SKAP2: variants seen among roughly 807,000 people sequenced by gnomAD.
SKAP2 encodes src kinase-associated phosphoprotein 2.
Under a neutral mutation model 54.9 loss-of-function variants are expected in SKAP2, and 28 were observed. The ratio of observed to expected loss-of-function variants is 0.51; its 90% CI spans 0.38 to 0.70. SKAP2 has a LOEUF of 0.70. SKAP2 is among the 30% of genes least tolerant of loss of function. SKAP2 has a pLI of 0.00. For missense variants in SKAP2, 356 were observed against 424.1 expected (o/e 0.84, Z 1.41); for synonymous variants, 137 against 134.3 (o/e 1.02, Z -0.14).
At chr7:26,821,766 C>T (rs1194095630) in intron 4 of SKAP2, among the ~76,000 whole-genome samples, 1 of 152,144 alleles carries the variant, frequency 6.6e-6, no homozygotes, top group East Asian at 1.9e-4. Flanking sequence ...ATCATGAAGT[C>T]TACCATTGGT....
At chr7:26,763,445 T>C (rs1456058139) in intron 4 of SKAP2, among the ~76,000 whole-genome samples, 1 of 152,194 alleles carries the variant, frequency 6.6e-6, no homozygotes, top group Non-Finnish European at 1.5e-5. Flanking sequence ...GATACCAATC[T>C]ATCCATCCCT....
At chr7:26,754,993 A>G (rs571643717) in intron 4 of SKAP2, among the ~76,000 whole-genome samples, 16 of 152,346 alleles carry the variant, frequency 1.1e-4, no homozygotes, top group Non-Finnish European at 1.6e-4. Flanking sequence ...GTCAATTTAG[A>G]TATGGTAAGA....
At chr7:26,857,805 G>A (rs895948269) in intron 1 of SKAP2, 209 of 880,584 alleles carry the variant, frequency 2.4e-4, no homozygotes, top group Non-Finnish European at 2.8e-4. Flanking sequence ...CGAATCAAGT[G>A]TTCCTCTGGC....
intron 6 of SKAP2, 64 bp from the exon 7 acceptor site, chr7:26,727,070 G>T: frequency 1.5e-6 from 2 of 1,318,274 alleles, no homozygotes; most frequent in Non-Finnish European, 2.0e-6. Flanking sequence ...TATCTTTTAT[G>T]TAAAATTTCT....
At chr7:26,806,415 T>C (rs1784025148) in intron 4 of SKAP2, among the ~76,000 whole-genome samples, 1 of 152,008 alleles carries the variant, frequency 6.6e-6, no homozygotes, top group Non-Finnish European at 1.5e-5. Flanking sequence ...CAAATCAATA[T>C]AAAAAATATA....
chr7:26,684,973 G>A, intron 10 of SKAP2, 125 bp from the exon 11 acceptor site: 1 of 609,880 alleles, frequency 1.6e-6, no homozygotes, highest in East Asian at 2.8e-5. Flanking sequence ...ATTATGTCCT[G>A]AGTAAACGAA....
chr7:26,755,561 G>T (rs955034982), intron 4 of SKAP2, among the ~76,000 whole-genome samples: 3 of 152,112 alleles, frequency 2.0e-5, no homozygotes, highest in African/African-American at 7.2e-5. Flanking sequence ...GAAAAGAGAT[G>T]AGTGTTTATT....
intron 4 of SKAP2, among the ~76,000 whole-genome samples, chr7:26,809,631 G>A (rs1784098122): frequency 6.6e-6 from 1 of 152,120 alleles, no homozygotes; most frequent in African/African-American, 2.4e-5. Flanking sequence ...GTGAAGAAAT[G>A]GAAAGCCTTG....
chr7:26,849,546 G>A (rs1319582298), intron 3 of SKAP2, among the ~76,000 whole-genome samples: 4 of 151,844 alleles, frequency 2.6e-5, no homozygotes, highest in South Asian at 2.1e-4. Context: ...TTAGCCAGGC[G>A]TGGTGGTGGA....
In SKAP2 at chr7:26,799,659, A is replaced by G. The variant is rs549864165; in HGVS notation, c.307+44371T>C. 3.4e-4 allele frequency among the ~76,000 whole-genome samples: 52 copies of G among 152,356 alleles called. No homozygotes were observed. In the South Asian group the frequency reaches 0.01, roughly 30 times the overall value. On this transcript the variant is annotated intron_variant, in intron 4 of 12. Coordinates refer to ENST00000345317, the MANE Select transcript of SKAP2 (RefSeq NM_003930.5). ...TCAGCATCACTCACATCTTCCAGAC[A>G]GAAAATCAACAAAGAAACATCAGGC...
At chr7:26,759,257 A>G (rs1782870927) in intron 4 of SKAP2, among the ~76,000 whole-genome samples, 1 of 152,218 alleles carries the variant, frequency 6.6e-6, no homozygotes, top group South Asian at 2.1e-4. Context: ...GTCAGTTTCT[A>G]TAATAGCTAT....
At chr7:26,718,083 T>C (rs962755284) in intron 9 of SKAP2, among the ~76,000 whole-genome samples, 3 of 152,024 alleles carry the variant, frequency 2.0e-5, no homozygotes, top group African/African-American at 7.2e-5. Context: ...TGGTAGTAAG[T>C]CTAGGCTTAG....
chr7:26,731,198 G>A (rs1290902906), intron 6 of SKAP2, among the ~76,000 whole-genome samples: 1 of 152,090 alleles, frequency 6.6e-6, no homozygotes, highest in Admixed American at 6.6e-5. Context: ...ACACAGAATT[G>A]GCTACCACTC....
intron 6 of SKAP2, among the ~76,000 whole-genome samples, chr7:26,732,488 A>T (rs1787842571): frequency 6.6e-6 from 1 of 152,210 alleles, no homozygotes; most frequent in Non-Finnish European, 1.5e-5. Flanking sequence ...TCCGATGCTT[A>T]TACCAAGAAC....
rs1254546993 is a variant in SKAP2 at position 26,667,593 on chromosome 7, A to T, written c.*2073T>A. The T allele has an allele frequency of 2.0e-5, 3 of 152,588 alleles. No homozygotes were observed. Among genetic ancestry groups the T allele is most frequent in the African/African-American group, 7.2e-5 (3 of 41,426 alleles). The allele number at this position is 152,588 out of a possible 1,614,324, so 9.5% of individuals were successfully genotyped here. ...CCTTATTTCTGTATTGTCACTGTTC[A>T]CGAGACTATCTGGCTTGGAACTGTT... On this transcript the variant is annotated 3_prime_UTR_variant, in exon 13 of 13. Coordinates refer to ENST00000345317, the MANE Select transcript of SKAP2 (RefSeq NM_003930.5).
chr7:26,727,101 C>G, intron 6 of SKAP2, 95 bp from the exon 7 acceptor site: 2 of 1,053,804 alleles, frequency 1.9e-6, no homozygotes, highest in Non-Finnish European at 2.7e-6. Context: ...TTGGAAATAA[C>G]ATTTTTTGGT....
chr7:26,850,447 A>G (rs1349908494), intron 3 of SKAP2, among the ~76,000 whole-genome samples: 1 of 151,862 alleles, frequency 6.6e-6, no homozygotes, highest in Admixed American at 6.6e-5. Context: ...CAGCGTACCT[A>G]TAGTCCCAGC....
intron 4 of SKAP2, among the ~76,000 whole-genome samples, chr7:26,805,814 A>AAT (rs1784013676): frequency 6.6e-6 from 1 of 152,234 alleles, no homozygotes; most frequent in Non-Finnish European, 1.5e-5. Flanking sequence ...CTTAATAATA[A>AAT]ATATATGTAC....
intron 4 of SKAP2, among the ~76,000 whole-genome samples, chr7:26,799,069 ACAGGGCAAGGCAAGGCAGGG>A (rs1783847836): frequency 6.6e-6 from 1 of 151,180 alleles, no homozygotes. Context: ...AGGGGCAGGG[ACAGGGCAAGGCAAGGCAGGG>A]CAGGGCAAGG....
Sources: gnomAD v4.1 joint callset for allele counts (sites outside exome capture counted in the v4.1 genomes callset) on GRCh38, gnomAD v4.1.1 for gene constraint, MANE v1.5 for transcripts, NCBI Gene and HGNC (gene_info 2026-07-23, HGNC 2026-07-21) for gene names.